The following ADAMTSL1 variants were observed in gnomAD, a reference collection of about 807,000 sequenced individuals.
ADAMTSL1 encodes the protein ADAMTS-like protein 1.
A neutral mutation model predicts 201.8 loss-of-function variants in ADAMTSL1; 126 were observed. The observed-to-expected ratio is 0.62, with a 90% CI of 0.54 to 0.72. The LOEUF is 0.72. Among genes scored for constraint, ADAMTSL1 ranks in the 30% least tolerant of loss-of-function variants. The probability of loss-of-function intolerance (pLI) is 0.00; values close to 1 mark genes in which losing one functional copy is unlikely to be tolerated. For missense variants in ADAMTSL1, 2,679 were observed against 2,277.8 expected (o/e 1.18, Z -3.59); for synonymous variants, 1,121 against 903.4 (o/e 1.24, Z -4.32).
chr9:18,174,082 T>C (rs966583727), intron 2 of ADAMTSL1, among the ~76,000 whole-genome samples: 4 of 152,148 alleles, frequency 2.6e-5, no homozygotes, highest in African/African-American at 9.7e-5. Context: ...ACTGTCTTAA[T>C]AAGCATAAAC....
intron 1 of ADAMTSL1, among the ~76,000 whole-genome samples, chr9:18,020,747 G>T (rs551059577): frequency 2.5e-4 from 38 of 152,084 alleles, no homozygotes. Context: ...GGCATCAACT[G>T]ACATAGAGGG....
intron 2 of ADAMTSL1, among the ~76,000 whole-genome samples, chr9:18,294,841 C>G (rs1314527477): frequency 6.6e-6 from 1 of 152,140 alleles, no homozygotes; most frequent in South Asian, 2.1e-4. Context: ...ATGGGAATCC[C>G]CATAGGTCAT....
At position 18,219,628 on chromosome 9, in the gene ADAMTSL1, G is replaced by A. The variant is rs544180568; in HGVS notation, c.207+55647G>A. On this transcript the variant is annotated intron_variant, in intron 2 of 29. Coordinates refer to the ADAMTSL1 transcript ENST00000680146. ...AGATGGTCTGCCCACCTTGGCCTGG[G>A]ATTACAGGCATGAGCCACTGTGCCC... Among the ~76,000 whole-genome samples, 3 of 152,118 alleles carry A rather than the reference G, an allele frequency of 2.0e-5. No homozygotes were observed. The South Asian group carries it at 6.2e-4, about 32-fold the overall frequency.
chr9:18,259,108 CCT>C (rs1278190644), intron 2 of ADAMTSL1, among the ~76,000 whole-genome samples: 1 of 152,170 alleles, frequency 6.6e-6, no homozygotes, highest in Non-Finnish European at 1.5e-5. Context: ...CATATTATAT[CCT>C]CTTTCCTTCT....
chr9:17,946,012 T>A (rs1827453899), intron 1 of ADAMTSL1, among the ~76,000 whole-genome samples: 1 of 151,814 alleles, frequency 6.6e-6, no homozygotes, highest in Non-Finnish European at 1.5e-5. Flanking sequence ...GTGATTTTTC[T>A]GTATGTTCGT....
chr9:18,552,260 G>T (rs536527137), intron 3 of ADAMTSL1, among the ~76,000 whole-genome samples: 9 of 151,572 alleles, frequency 5.9e-5, no homozygotes, highest in Non-Finnish European at 1.3e-4. Flanking sequence ...GTTGCATCCC[G>T]CAGTGTGATA....
At chr9:18,351,870 C>A (rs534732291) in intron 2 of ADAMTSL1, among the ~76,000 whole-genome samples, 2 of 152,250 alleles carry the variant, frequency 1.3e-5, no homozygotes, top group South Asian at 4.1e-4. Context: ...TAAAGAAATA[C>A]ATTTCTGTAA....
chr9:18,808,815 G>A (rs1015118543), intron 20 of ADAMTSL1, among the ~76,000 whole-genome samples: 1 of 152,236 alleles, frequency 6.6e-6, no homozygotes, highest in Non-Finnish European at 1.5e-5. Context: ...TTAGGTCAAA[G>A]ATCTGGGCTC....
chr9:18,232,206 C>T (rs1440834453), intron 2 of ADAMTSL1, among the ~76,000 whole-genome samples: 1 of 152,188 alleles, frequency 6.6e-6, no homozygotes, highest in Non-Finnish European at 1.5e-5. Flanking sequence ...CTTCCTTGCT[C>T]TTCTCCAGAC....
intron 4 of ADAMTSL1, among the ~76,000 whole-genome samples, chr9:18,589,719 C>CT (rs1564072931): frequency 6.6e-6 from 1 of 152,038 alleles, no homozygotes; most frequent in African/African-American, 2.4e-5. Flanking sequence ...CATTTATGAC[C>CT]TTTGTCATGT....
chr9:18,400,009 A>G (rs1427666646), intron 2 of ADAMTSL1, among the ~76,000 whole-genome samples: 1 of 152,162 alleles, frequency 6.6e-6, no homozygotes. Context: ...AGTGTGTCTA[A>G]TTAGTGATGA....
rs75073588 is a variant in ADAMTSL1 at position 18,513,318 on chromosome 9, G to A, written c.191+8362G>A. On this transcript the variant is annotated intron_variant, in intron 2 of 28. Transcript: ENST00000380548. ...GGCAAGTACTATTTCTCCCTCCGCC[G>A]CAACCTCTGGCAGCCTCCCTTCTAC... is the stretch of plus-strand genomic sequence containing the variant. Among the ~76,000 whole-genome samples, 5 of 152,190 alleles carry A rather than the reference G, an allele frequency of 3.3e-5. No homozygotes were observed. In the East Asian group the frequency reaches 7.7e-4, roughly 23 times the overall value.
chr9:18,142,630 C>T (rs923580960), intron 1 of ADAMTSL1, among the ~76,000 whole-genome samples: 1 of 152,168 alleles, frequency 6.6e-6, no homozygotes, highest in Admixed American at 6.5e-5. Flanking sequence ...AGTTCCACAT[C>T]TAGCAAGAGG....
At chr9:18,451,761 A>T (rs1458650918) in intron 2 of ADAMTSL1, among the ~76,000 whole-genome samples, 1 of 152,254 alleles carries the variant, frequency 6.6e-6, no homozygotes. Context: ...CAGGCTACGT[A>T]ATTTACAAAG....
intron 15 of ADAMTSL1, among the ~76,000 whole-genome samples, chr9:18,730,167 T>C (rs1043154601): frequency 6.6e-6 from 1 of 152,244 alleles, no homozygotes; most frequent in Non-Finnish European, 1.5e-5. Flanking sequence ...ACAAGATGCC[T>C]TCTTTGGAAA....
At chr9:18,714,530 C>G (rs1022419046) in intron 14 of ADAMTSL1, among the ~76,000 whole-genome samples, 18 of 98,842 alleles carry the variant, frequency 1.8e-4, no homozygotes, top group Non-Finnish European at 3.1e-4. Flanking sequence ...CATACACTCT[C>G]CCAAGACTAA....
chr9:18,718,110 T>A (rs752419942), intron 14 of ADAMTSL1: 13 of 1,237,026 alleles, frequency 1.1e-5, no homozygotes, highest in Non-Finnish European at 1.6e-5. Context: ...AATGCACAGT[T>A]GTTCCATTGT....
At chr9:18,234,245 C>T (rs911830751) in intron 2 of ADAMTSL1, among the ~76,000 whole-genome samples, 17 of 152,082 alleles carry the variant, frequency 1.1e-4, no homozygotes, top group South Asian at 6.2e-4. Context: ...AGGAGCAGAA[C>T]GTGTTGGCAG....
chr9:18,702,487 G>A (rs904653710), intron 13 of ADAMTSL1, among the ~76,000 whole-genome samples: 20 of 152,046 alleles, frequency 1.3e-4, no homozygotes, highest in Admixed American at 3.9e-4. Flanking sequence ...TATTGTCACT[G>A]TTTTCTATTT....
Sources: gnomAD v4.1 joint callset for allele counts (sites outside exome capture counted in the v4.1 genomes callset) on GRCh38, gnomAD v4.1.1 for gene constraint, MANE v1.5 for transcripts, NCBI Gene and HGNC (gene_info 2026-07-23, HGNC 2026-07-21) for gene names.